The following CPS1 variants were observed in gnomAD, a reference collection of about 807,000 sequenced individuals.
CPS1 encodes carbamoyl-phosphate synthase 1.
Under a neutral mutation model 174.6 loss-of-function variants are expected in CPS1, and 109 were observed. The observed-to-expected ratio is 0.62, with a 90% CI of 0.53 to 0.73. The LOEUF is 0.73. CPS1 is among the 30% of genes least tolerant of loss of function. The pLI is 0.00. For missense variants in CPS1, 1,689 were observed against 1,821.9 expected (o/e 0.93, Z 1.33); for synonymous variants, 637 against 632.0 (o/e 1.01, Z -0.12).
intron 1 of CPS1, among the ~76,000 whole-genome samples, chr2:210,548,935 G>A (rs567449222): frequency 1.8e-4 from 28 of 152,134 alleles, no homozygotes; most frequent in Admixed American, 3.9e-4. Context: ...ATCACATTCC[G>A]CTGAAAATAG....
chr2:210,484,528 G>A lies in CPS1; in HGVS notation c.3+6762G>A, dbSNP rs76093655. Reference sequence around the variant, plus strand: ...TGACCCTCCTGGTTTTAAAACTTGAGACATTTACATTTGTCTTATCTGAGT... The same window carrying A: ...TGACCCTCCTGGTTTTAAAACTTGAAACATTTACATTTGTCTTATCTGAGT... On this transcript the variant is annotated intron_variant, in intron 1 of 38. Coordinates refer to the CPS1 transcript ENST00000430249. Among the ~76,000 whole-genome samples the A allele has an allele frequency of 2.8e-3, 431 of 152,202 alleles. 1 individual carries two copies. The highest frequency in any genetic ancestry group is 9.6e-3 in the African/African-American group (398 of 41,520).
chr2:210,559,429 C>A (rs1685198846), intron 1 of CPS1, among the ~76,000 whole-genome samples: 1 of 152,022 alleles, frequency 6.6e-6, no homozygotes, highest in South Asian at 2.1e-4. Context: ...TGGCCCTTCC[C>A]TGGGTATTTG....
At chr2:210,512,849 GATAT>G (rs1260397507) in intron 1 of CPS1, among the ~76,000 whole-genome samples, 1 of 66,346 alleles carries the variant, frequency 1.5e-5, no homozygotes, top group Non-Finnish European at 2.7e-5. Flanking sequence ...CATATATGGA[GATAT>G]ATATATATAG....
In CPS1 at chr2:210,676,029, T is replaced by A. The variant is rs141339481; in HGVS notation, c.4274+189T>A. On this transcript the variant is annotated intron_variant, in intron 36 of 37. Coordinates refer to ENST00000233072, the MANE Select transcript of CPS1 (RefSeq NM_001875.5). Reference sequence around the variant, plus strand: ...ACATAACGTCATGTGTACATGGTGATATGAAACGTGTTTCAAAATACTTCT... The same window carrying A: ...ACATAACGTCATGTGTACATGGTGAAATGAAACGTGTTTCAAAATACTTCT... Among the ~76,000 whole-genome samples the A allele has an allele frequency of 6.3e-3, 962 of 152,348 alleles. 14 individuals carry two copies. Among genetic ancestry groups the A allele is most frequent in the African/African-American group, 0.021 (854 of 41,574 alleles).
chr2:210,600,410 A>G (rs112317540), intron 14 of CPS1, 145 bp from the exon 15 acceptor site: 24 of 715,662 alleles, frequency 3.4e-5, no homozygotes, highest in South Asian at 5.7e-5. Flanking sequence ...TTTTATTTCA[A>G]TTTTTTTCCC....
chr2:210,599,708 T>A, intron 14 of CPS1, 147 bp downstream of exon 14: 1 of 795,140 alleles, frequency 1.3e-6, no homozygotes, highest in Non-Finnish European at 2.1e-6. Flanking sequence ...AACAGCCACT[T>A]AATATAGTCA....
chr2:210,613,140 C>T (rs542024230), intron 20 of CPS1, among the ~76,000 whole-genome samples: 2 of 151,890 alleles, frequency 1.3e-5, no homozygotes, highest in African/African-American at 2.4e-5. Flanking sequence ...TGGGATGAGT[C>T]GGTGAAAACA....
intron 21 of CPS1, among the ~76,000 whole-genome samples, 168 bp from the exon 22 acceptor site, chr2:210,637,534 T>C (rs1484778791): frequency 6.6e-6 from 1 of 152,154 alleles, no homozygotes; most frequent in East Asian, 1.9e-4. Flanking sequence ...TCATAGAGGC[T>C]AGAAGATTGA....
At chr2:210,520,647 A>C (rs1190621930) in intron 1 of CPS1, among the ~76,000 whole-genome samples, 1 of 152,000 alleles carries the variant, frequency 6.6e-6, no homozygotes, top group Non-Finnish European at 1.5e-5. Context: ...TATTTCTGTC[A>C]CTATACATTA....
At chr2:210,643,514 C>A (rs79022307) in intron 25 of CPS1, among the ~76,000 whole-genome samples, 1,608 of 152,100 alleles carry the variant, frequency 0.011, 23 homozygotes, top group African/African-American at 0.037. Flanking sequence ...TCATTGATTT[C>A]TTTAAGTTAC....
At chr2:210,593,313 C>T (rs1180590776) in intron 11 of CPS1, 5 of 1,116,698 alleles carry the variant, frequency 4.5e-6, no homozygotes, top group Non-Finnish European at 4.5e-6. Flanking sequence ...TTTAATCCCC[C>T]ATCTGTGACT....
intron 1 of CPS1, among the ~76,000 whole-genome samples, chr2:210,517,356 G>A (rs564158585): frequency 2.6e-5 from 4 of 152,084 alleles, no homozygotes; most frequent in Admixed American, 2.0e-4. Flanking sequence ...AGTCCACGGC[G>A]TGCTCATGAC....
At chr2:210,671,847 A>G (rs1377429813) in intron 34 of CPS1, 1 of 152,200 alleles carries the variant, frequency 6.6e-6, no homozygotes, top group Admixed American at 6.5e-5. Context: ...TGCAGGTCTT[A>G]GAGGACTTGC....
intron 30 of CPS1, chr2:210,657,657 T>G (rs1005870682): frequency 1.3e-5 from 2 of 152,140 alleles, no homozygotes; most frequent in Admixed American, 1.3e-4. Flanking sequence ...AGTCTTTAGG[T>G]ATATTAGATC....
chr2:210,599,464 T>A lies in CPS1; in HGVS notation c.1452T>A (p.Phe484Leu), dbSNP rs1698629346. ...VGLKQADTVY[F>L]LPITPQFVTE... Reference sequence around the variant, plus strand: ...TAAAGCAAGCGGATACTGTCTACTTTCTTCCCATCACCCCTCAGTTTGTCA... The same window carrying A: ...TAAAGCAAGCGGATACTGTCTACTTACTTCCCATCACCCCTCAGTTTGTCA... Residue 484 changes from phenylalanine to leucine, a missense_variant, in exon 14 of 38, where the codon TTT becomes TTA. Phe to Leu is a conservative substitution (Grantham distance 22). Coordinates refer to ENST00000233072, the MANE Select transcript of CPS1 (RefSeq NM_001875.5). 6.2e-7 allele frequency: 1 copy of A among 1,612,648 alleles called. No homozygotes were observed. The highest frequency in any genetic ancestry group is 8.5e-7 in the Non-Finnish European group (1 of 1,179,088).
chr2:210,528,255 A>G (rs905240831), intron 1 of CPS1, among the ~76,000 whole-genome samples: 1 of 151,792 alleles, frequency 6.6e-6, no homozygotes, highest in Admixed American at 6.6e-5. Flanking sequence ...GAAAACAGAA[A>G]CTTTTTTAGT....
chr2:210,664,155 C>G (rs149262220), intron 33 of CPS1, among the ~76,000 whole-genome samples: 2 of 150,982 alleles, frequency 1.3e-5, no homozygotes, highest in African/African-American at 4.9e-5. Flanking sequence ...AATTTAAGGG[C>G]AAAAAAAACC....
intron 1 of CPS1, among the ~76,000 whole-genome samples, chr2:210,541,181 A>C (rs73073540): frequency 6.6e-6 from 1 of 152,178 alleles, no homozygotes; most frequent in East Asian, 1.9e-4. Flanking sequence ...TAATATTACA[A>C]GCATCTTTAT....
chr2:210,528,074 T>TAAA (rs1212497677), intron 1 of CPS1, among the ~76,000 whole-genome samples: 1 of 151,934 alleles, frequency 6.6e-6, no homozygotes, highest in Non-Finnish European at 1.5e-5. Context: ...AAGCTGTCTC[T>TAAA]TTAAAGTGCT....
Sources: allele counts gnomAD v4.1 joint callset (sites outside exome capture counted in the v4.1 genomes callset), GRCh38; gene constraint gnomAD v4.1.1; transcripts MANE v1.5; gene names NCBI Gene and HGNC (gene_info 2026-07-23, HGNC 2026-07-21).